The following CRHR2 variants were observed in gnomAD, a reference collection of about 807,000 sequenced individuals.
The protein encoded by CRHR2 is corticotropin-releasing hormone receptor 2.
A neutral mutation model predicts 57.9 loss-of-function variants in CRHR2; 53 were observed. The observed-to-expected ratio is 0.92, with a 90% CI of 0.73 to 1.15. The LOEUF (loss-of-function observed/expected upper bound fraction) is 1.15, where lower values mean the gene tolerates loss of function less well. Ranked by LOEUF, CRHR2 falls within the 50% of genes most tolerant of loss-of-function variation. The pLI is 0.00. For missense variants in CRHR2, 532 were observed against 542.6 expected, an observed-to-expected ratio of 0.98 and a Z score of 0.19; for synonymous variants, 213 against 220.9, an observed-to-expected ratio of 0.96 and a Z score of 0.32.
At chr7:30,663,306 G>C (rs1157013424) in intron 5 of CRHR2, among the ~76,000 whole-genome samples, 1 of 152,200 alleles carries the variant, frequency 6.6e-6, no homozygotes, top group Non-Finnish European at 1.5e-5. Context: ...AGTGAGTCAA[G>C]GGTGTATGAA....
rs760233195 is a variant in CRHR2, at chr7:30,681,990, G to T, written c.154C>A (p.Pro52Thr). The change falls in exon 2 of 12, where the codon CCC becomes ACC. Residue 52 changes from proline (P) to threonine (T), a missense_variant. Coordinates refer to ENST00000471646, the MANE Select transcript of CRHR2 (RefSeq NM_001883.5). ...TTLDQIGTCW[P>T]RSAAGALVER... ...ACGAGGGCTCCGGCAGCGCTGCGGG[G>T]CCAGCACGTTCCGATCTGGTCCAAG... 4.4e-6 allele frequency: 7 copies of T among 1,608,112 alleles called. No homozygotes were observed. Among genetic ancestry groups the T allele is most frequent in the Non-Finnish European group, 5.9e-6 (7 of 1,177,864 alleles).
Position 30,665,733 on chromosome 7 carries a change from T to C in CRHR2, c.316-94A>G, listed in dbSNP as rs1784166511. 9.5e-7 allele frequency: 1 copy of C among 1,051,140 alleles called. No individual in the cohort carries two copies. The highest frequency in any genetic ancestry group is 1.5e-5 in the South Asian group (1 of 65,472). 65.1% of individuals were successfully genotyped at this position (1,051,140 alleles called of 1,614,324 possible). On this transcript the variant is annotated intron_variant, in intron 3 of 11. Coordinates refer to ENST00000471646, the MANE Select transcript of CRHR2 (RefSeq NM_001883.5). The surrounding 1 kb of genome is among the most constrained non-coding windows in gnomAD (Gnocchi z 4.5). The stretch of plus-strand genomic sequence containing the variant: ...CCGTGGCCACCTCTGTGTCCTGACC[T>C]TGGGGGCAGAAGTGCTCCAGGTGTC...
chr7:30,683,655 C>G (rs1784794323), upstream of CRHR2, among the ~76,000 whole-genome samples: 1 of 152,198 alleles, frequency 6.6e-6, no homozygotes, highest in Non-Finnish European at 1.5e-5. Flanking sequence ...GGAGCTTTCT[C>G]CATCAGTGAA....
In CRHR2 at chr7:30,661,451, C is replaced by G. The variant is rs189040295; in HGVS notation, c.758+705G>C. Among the ~76,000 whole-genome samples, 3 of 152,316 alleles carry G rather than the reference C, an allele frequency of 2.0e-5. No homozygotes were observed. In the East Asian group the frequency reaches 5.8e-4, roughly 29 times the overall value. On this transcript the variant is annotated intron_variant, in intron 7 of 11. Coordinates refer to ENST00000471646, the MANE Select transcript of CRHR2 (RefSeq NM_001883.5). The stretch of plus-strand genomic sequence containing the variant: ...GCCCTCTTCTTGGGCAGCTTTTACT[C>G]TTACAAGCTCTTCCTAATGTTGAGC...
chr7:30,689,144 C>T, intron 2 of CRHR2: 1 of 1,511,620 alleles, frequency 6.6e-7, no homozygotes, highest in Non-Finnish European at 9.0e-7. Flanking sequence ...GCAGGGCCCA[C>T]CCACATCTCC....
chr7:30,653,272 T>C lies in CRHR2; in HGVS notation c.*188A>G. 4.0e-6 allele frequency: 3 copies of C among 745,464 alleles called. No homozygotes were observed. The highest frequency in any genetic ancestry group is 3.8e-5 in the South Asian group (2 of 53,090). 46.2% of individuals were successfully genotyped at this position (745,464 alleles called of 1,614,324 possible). On this transcript the variant is annotated 3_prime_UTR_variant, in exon 12 of 12. Transcript: ENST00000471646. The surrounding 1 kb of genome is among the most constrained non-coding windows in gnomAD (Gnocchi z 5.0). ...CCTCTGCTTCCTCTTGCGCTGAGCC[T>C]GGTGGCCCCCACTCATCCCTGTCCC...
rs1321813247 is a variant in CRHR2 at position 30,670,554 on chromosome 7, G to A, written c.230-3241C>T. On this transcript the variant is annotated intron_variant, in intron 2 of 11. Transcript: ENST00000471646. ...TGGCAGCCCAGCCCTGCCTGCAGAT[G>A]AGCTTCTGGTTACAGACACTGGGTA... 2.5e-4 allele frequency among the ~76,000 whole-genome samples: 38 copies of A among 152,252 alleles called. 1 individual carries two copies. Among genetic ancestry groups the A allele is most frequent in the Admixed American group, 2.5e-3 (38 of 15,288 alleles).
chr7:30,661,262 T>G (rs1431598506), intron 7 of CRHR2, among the ~76,000 whole-genome samples: 2 of 152,196 alleles, frequency 1.3e-5, no homozygotes, highest in Admixed American at 6.5e-5. Context: ...CAGCAACTAC[T>G]GGACCACAGG....
At chr7:30,655,835 G>T (rs1783763764) in intron 9 of CRHR2, 92 bp downstream of exon 9, 9 of 1,588,988 alleles carry the variant, frequency 5.7e-6, no homozygotes, top group Non-Finnish European at 7.8e-6. Context: ...CCTGGGTGAG[G>T]CCTGGGGCAG....
chr7:30,661,261 C>T (rs922993643), intron 7 of CRHR2, among the ~76,000 whole-genome samples: 3 of 152,224 alleles, frequency 2.0e-5, no homozygotes, highest in African/African-American at 7.2e-5. Context: ...CCAGCAACTA[C>T]TGGACCACAG....
chr7:30,698,530 G>T (rs1373462034), intron 1 of CRHR2, among the ~76,000 whole-genome samples: 1 of 152,208 alleles, frequency 6.6e-6, no homozygotes, highest in African/African-American at 2.4e-5. Flanking sequence ...TGGGGGCAGA[G>T]GGGTGGATGG....
At chr7:30,678,080 G>A (rs1287423883) in intron 2 of CRHR2, among the ~76,000 whole-genome samples, 3 of 152,150 alleles carry the variant, frequency 2.0e-5, no homozygotes, top group Non-Finnish European at 4.4e-5. Flanking sequence ...CAGGGAGAGG[G>A]AGGTCCCCTC....
chr7:30,681,664 C>T (rs1422540453), intron 2 of CRHR2, among the ~76,000 whole-genome samples: 1 of 152,194 alleles, frequency 6.6e-6, no homozygotes, highest in South Asian at 2.1e-4. Context: ...TCCTTCTCCC[C>T]TTTTTGGGCT....
chr7:30,693,726 G>A (rs1584144606), intron 1 of CRHR2, among the ~76,000 whole-genome samples: 1 of 150,720 alleles, frequency 6.6e-6, no homozygotes, highest in South Asian at 2.1e-4. Context: ...GTGGGACTGA[G>A]GCTTTACCTG....
In CRHR2 at chr7:30,653,472, C is replaced by T. The variant is rs373708051; in HGVS notation, c.1224G>A (p.Thr408=). ...TRISFHSIKQ[T]AAV is the part of the protein sequence containing the mutation. The stretch of plus-strand genomic sequence containing the variant: ...GGCGACCGAGGGGTCACACAGCGGC[C>T]GTCTGCTTGATGCTGTGGAAGCTGA... The change falls in exon 12 of 12, where the codon ACG becomes ACA. Residue 408 remains threonine, a synonymous_variant. Transcript: ENST00000471646. The surrounding 1 kb of genome is among the most constrained non-coding windows in gnomAD (Gnocchi z 5.0). 36 of 1,613,374 alleles carry T rather than the reference C, an allele frequency of 2.2e-5. No individual in the cohort carries two copies. In the East Asian group the frequency reaches 2.5e-4, roughly 11 times the overall value.
chr7:30,666,947 C>T (rs1420781502), intron 3 of CRHR2, among the ~76,000 whole-genome samples: 1 of 152,218 alleles, frequency 6.6e-6, no homozygotes, highest in Non-Finnish European at 1.5e-5. Flanking sequence ...ATGTTAGGAG[C>T]ATTGATTACA....
intron 1 of CRHR2, among the ~76,000 whole-genome samples, chr7:30,691,895 C>T (rs1453813381): frequency 6.6e-6 from 1 of 152,128 alleles, no homozygotes; most frequent in Non-Finnish European, 1.5e-5. Context: ...AGGCTGCTGT[C>T]CTCAGAAAAC....
At position 30,667,246 on chromosome 7, in the gene CRHR2, C is replaced by A; in HGVS notation, c.297G>T (p.Glu99Asp). 6.2e-7 allele frequency: 1 copy of A among 1,614,148 alleles called. No individual in the cohort carries two copies. The highest frequency in any genetic ancestry group is 8.5e-7 in the Non-Finnish European group (1 of 1,180,024). The change falls in exon 3 of 12, where the codon GAG (glutamate) becomes GAT (aspartate). Residue 99 changes from glutamate (E) to aspartate (D), a missense_variant. Glu to Asp is a conservative substitution (Grantham distance 45). Coordinates refer to ENST00000471646, the MANE Select transcript of CRHR2 (RefSeq NM_001883.5). ...CACTCACCTTGTCATCCAAAATGGG[C>A]TCACACTGTGAGTAGTTGATCTTTG... is the stretch of plus-strand genomic sequence containing the variant. ...WASKINYSQC[E>D]PILDDKQRKY...
At chr7:30,689,793 T>A (rs1405879949) in intron 1 of CRHR2, among the ~76,000 whole-genome samples, 1 of 152,232 alleles carries the variant, frequency 6.6e-6, no homozygotes, top group Non-Finnish European at 1.5e-5. Flanking sequence ...TTTAACTTTG[T>A]TTCCCTGTCA....
Sources: allele counts gnomAD v4.1 joint callset (sites outside exome capture counted in the v4.1 genomes callset), GRCh38; gene constraint gnomAD v4.1.1; non-coding constraint Gnocchi (gnomAD v3.1); transcripts MANE v1.5; gene names NCBI Gene and HGNC (gene_info 2026-07-23, HGNC 2026-07-21).